TM4SF19: variants seen among roughly 807,000 people sequenced by gnomAD.
TM4SF19 encodes the protein transmembrane 4 L six family member 19.
TM4SF19 carries 17 observed loss-of-function variants against 21.8 expected under a neutral mutation model. The observed-to-expected ratio is 0.78, with a 90% CI of 0.53 to 1.17. The LOEUF is 1.17. Ranked by LOEUF, TM4SF19 falls within the 50% of genes most tolerant of loss-of-function variation. The probability of loss-of-function intolerance (pLI) is 0.00; values close to 1 mark genes in which losing one functional copy is unlikely to be tolerated. For synonymous variants in TM4SF19, 107 were observed against 106.7 expected (o/e 1.00, Z -0.02); for missense variants, 216 against 252.1 (o/e 0.86, Z 0.97).
At position 196,325,753 on chromosome 3, in the gene TM4SF19, GC is replaced by G. The variant is rs1727260047; in HGVS notation, c.279+1201del. Among the ~76,000 whole-genome samples, 1 of 152,116 alleles carries G rather than the reference GC, an allele frequency of 6.6e-6. No individual in the cohort carries two copies. ...GTTCCCAAAATGGGGTCCCTGCCCA[GC>G]CGCATCACATCACCTGAGAACCTGT... On this transcript the variant is annotated intron_variant, in intron 3 of 4. Transcript: ENST00000273695. This position sits in a 1 kb window ranked among gnomAD's most constrained non-coding sequence, Gnocchi z 4.3.
chr3:196,336,363 C>T (rs1190532999), intron 1 of TM4SF19, among the ~76,000 whole-genome samples: 3 of 152,150 alleles, frequency 2.0e-5, no homozygotes, highest in African/African-American at 7.2e-5. Flanking sequence ...GTCTTGAACT[C>T]CTGACCTCAG....
intron 1 of TM4SF19, among the ~76,000 whole-genome samples, chr3:196,328,335 G>A (rs143628089): frequency 4.2e-4 from 63 of 151,386 alleles, no homozygotes; most frequent in African/African-American, 1.5e-3. Flanking sequence ...ATTATTCACA[G>A]ATAATGTGAT....
chr3:196,327,324 G>A (rs1727330530), intron 2 of TM4SF19, 66 bp downstream of exon 2: 1 of 1,482,350 alleles, frequency 6.7e-7, no homozygotes, highest in Non-Finnish European at 9.3e-7. Flanking sequence ...CTCTTCCCAT[G>A]CCACCTTCCT....
At chr3:196,333,833 G>A (rs182185475) in intron 1 of TM4SF19, among the ~76,000 whole-genome samples, 2 of 152,248 alleles carry the variant, frequency 1.3e-5, no homozygotes, top group African/African-American at 2.4e-5. Flanking sequence ...AGGCCGAGGC[G>A]GGTGGATCAC....
At chr3:196,333,958 G>A (rs1727621037) in intron 1 of TM4SF19, among the ~76,000 whole-genome samples, 1 of 152,074 alleles carries the variant, frequency 6.6e-6, no homozygotes, top group Non-Finnish European at 1.5e-5. Flanking sequence ...CTACTCAGGA[G>A]GCTGAGGCAG....
chr3:196,332,242 G>C (rs1727544552), intron 1 of TM4SF19, among the ~76,000 whole-genome samples: 1 of 151,262 alleles, frequency 6.6e-6, no homozygotes, highest in Admixed American at 6.6e-5. Context: ...GCAAGAGAGT[G>C]AGATTCGGTC....
chr3:196,327,937 G>A (rs902295449), intron 1 of TM4SF19, among the ~76,000 whole-genome samples: 7 of 152,136 alleles, frequency 4.6e-5, no homozygotes, highest in African/African-American at 9.7e-5. Flanking sequence ...TCTATTCAAC[G>A]TTGTACTGGT....
intron 3 of TM4SF19, among the ~76,000 whole-genome samples, chr3:196,326,376 A>G (rs1458787945): frequency 7.0e-6 from 1 of 141,978 alleles, no homozygotes; most frequent in Non-Finnish European, 1.5e-5. Flanking sequence ...CCACAGATTC[A>G]TGTCTGAGAA....
chr3:196,328,318 CATT>C (rs1187712177), intron 1 of TM4SF19, among the ~76,000 whole-genome samples: 15 of 149,418 alleles, frequency 1.0e-4, no homozygotes, highest in Non-Finnish European at 2.2e-4. Flanking sequence ...AAAAAAGTAA[CATT>C]GTTATTATTC....
intron 1 of TM4SF19, among the ~76,000 whole-genome samples, chr3:196,335,583 C>T (rs1284059476): frequency 6.7e-6 from 1 of 149,644 alleles, no homozygotes; most frequent in Non-Finnish European, 1.5e-5. Flanking sequence ...CCCAGGGGCC[C>T]AAGGGTCCTG....
intron 1 of TM4SF19, among the ~76,000 whole-genome samples, chr3:196,334,477 A>G (rs991009343): frequency 2.6e-5 from 4 of 151,002 alleles, no homozygotes; most frequent in Non-Finnish European, 4.4e-5. Context: ...TTCTTGAGAC[A>G]GAGTCTCACT....
intron 1 of TM4SF19, among the ~76,000 whole-genome samples, chr3:196,336,881 C>T (rs1727781107): frequency 1.3e-5 from 2 of 152,208 alleles, no homozygotes; most frequent in African/African-American, 2.4e-5. Context: ...GTCTCTCCCT[C>T]GCCACCCAGC....
chr3:196,338,166 A>G (rs1371781351), intron 1 of TM4SF19, 98 bp downstream of exon 1: 1 of 152,418 alleles, frequency 6.6e-6, no homozygotes, highest in Non-Finnish European at 1.5e-5. Flanking sequence ...ACAGACGCCA[A>G]GCTGCAGAGC....
rs937900944 is a variant in TM4SF19, at chr3:196,325,952, GTTTA to G, written c.279+999_279+1002del. On this transcript the variant is annotated intron_variant, in intron 3 of 4. Transcript: ENST00000273695. This position sits in a 1 kb window ranked among gnomAD's most constrained non-coding sequence, Gnocchi z 4.3. ...CAGACAGTGAATGAAATGTGCAAGT[GTTTA>G]TTTATTTATCTATGTACTTATTTAT... Among the ~76,000 whole-genome samples, 12 of 152,222 alleles carry G rather than the reference GTTTA, an allele frequency of 7.9e-5. No individual in the cohort carries two copies. The highest frequency in any genetic ancestry group is 2.1e-4 in the South Asian group (1 of 4,812).
At chr3:196,330,056 G>T (rs1323627773) in intron 1 of TM4SF19, among the ~76,000 whole-genome samples, 3 of 151,876 alleles carry the variant, frequency 2.0e-5, no homozygotes, top group Non-Finnish European at 4.4e-5. Flanking sequence ...ATTTTTAGTA[G>T]AGACAGGGTT....
rs760370054 is a variant in TM4SF19, at chr3:196,326,917, A to G, written c.279+38T>C. 5.8e-6 allele frequency: 9 copies of G among 1,562,696 alleles called. 1 individual carries two copies. The South Asian group carries it at 1.0e-4, about 18-fold the overall frequency. ...TGCCTCTAGAGTAATAGAGGTGGAG[A>G]CATTCTGGGTGTTAGAAGAGTGGAA... On this transcript the variant is annotated intron_variant, in intron 3 of 4. Transcript: ENST00000273695.
At chr3:196,330,889 T>C (rs745636838) in intron 1 of TM4SF19, among the ~76,000 whole-genome samples, 24 of 152,228 alleles carry the variant, frequency 1.6e-4, no homozygotes, top group Non-Finnish European at 2.9e-4. Context: ...TAAAATGTCA[T>C]ATCTAGATAA....
At chr3:196,327,906 A>G (rs1727363676) in intron 1 of TM4SF19, among the ~76,000 whole-genome samples, 3 of 152,240 alleles carry the variant, frequency 2.0e-5, no homozygotes, top group African/African-American at 7.2e-5. Context: ...AGGTGTCTTC[A>G]TGATGTCCAT....
rs1727854570 is a variant in TM4SF19, at chr3:196,338,327, A to G, written c.-65T>C. On this transcript the variant is annotated 5_prime_UTR_variant, in exon 1 of 5. Coordinates refer to ENST00000273695, the MANE Select transcript of TM4SF19 (RefSeq NM_138461.4). ...ACCTGGAGAAAGGCTGCGTCTTCAG[A>G]GTGGGGCTCCACTCCTCCAGCTCCA... The G allele has an allele frequency of 6.6e-6, 1 of 152,284 alleles. No individual in the cohort carries two copies. Among genetic ancestry groups the G allele is most frequent in the Admixed American group, 6.6e-5 (1 of 15,262 alleles). The allele number at this position is 152,284 out of a possible 1,614,324, so 9.4% of individuals were successfully genotyped here. A position where few individuals can be genotyped will look rare whatever the true frequency, so the allele number is the denominator to read the frequency against.
Sources: allele counts gnomAD v4.1 joint callset (sites outside exome capture counted in the v4.1 genomes callset), GRCh38; gene constraint gnomAD v4.1.1; non-coding constraint Gnocchi (gnomAD v3.1); transcripts MANE v1.5; gene names NCBI Gene and HGNC (gene_info 2026-07-23, HGNC 2026-07-21).